The following ATP10B variants were observed in gnomAD, a reference collection of about 807,000 sequenced individuals.
The protein encoded by ATP10B is phospholipid-transporting ATPase VB.
ATP10B carries 122 observed loss-of-function variants against 141.2 expected under a neutral mutation model. The ratio of observed to expected loss-of-function variants is 0.86; its 90% CI spans 0.75 to 1.00. ATP10B has a LOEUF of 1.00. ATP10B is among the 50% of genes least tolerant of loss of function. The probability of loss-of-function intolerance (pLI) is 0.00; values close to 1 mark genes in which losing one functional copy is unlikely to be tolerated. For missense variants in ATP10B, 1,876 were observed against 1,825.3 expected (o/e 1.03, Z -0.51); for synonymous variants, 685 against 692.0 (o/e 0.99, Z 0.16).
intron 23 of ATP10B, 79 bp downstream of exon 23, chr5:160,590,979 CT>C (rs1756248314): frequency 3.3e-6 from 4 of 1,225,628 alleles, no homozygotes; most frequent in Non-Finnish European, 4.8e-6. Context: ...CAGAAGGACA[CT>C]ACTGGTCTGG....
intron 7 of ATP10B, among the ~76,000 whole-genome samples, chr5:160,655,199 A>G (rs1761397131): frequency 6.6e-6 from 1 of 152,252 alleles, no homozygotes; most frequent in Non-Finnish European, 1.5e-5. Context: ...TTTGCATCTT[A>G]AAGTACCTAC....
the ATP10B span, among the ~76,000 whole-genome samples, chr5:160,891,005 G>A: frequency 4.5e-5 from 2 of 44,340 alleles, no homozygotes; most frequent in Non-Finnish European, 7.1e-5. Flanking sequence ...GTGTGTGCGT[G>A]TGTGTGTGTG....
intron 2 of ATP10B, among the ~76,000 whole-genome samples, chr5:160,729,754 G>T (rs1015042367): frequency 5.3e-5 from 8 of 152,178 alleles, no homozygotes; most frequent in Admixed American, 4.6e-4. Flanking sequence ...AAGAGTGTTT[G>T]GGGGAATGGC....
the ATP10B span, among the ~76,000 whole-genome samples, chr5:160,907,463 A>C: frequency 6.6e-6 from 1 of 151,972 alleles, no homozygotes; most frequent in Non-Finnish European, 1.5e-5. Context: ...TTCTGGGCTT[A>C]AGCAATCCTC....
chr5:160,653,695 T>TATTATATATACATATATACATATAC (rs1561705956), intron 7 of ATP10B, among the ~76,000 whole-genome samples: 1 of 124,916 alleles, frequency 8.0e-6, no homozygotes, highest in East Asian at 2.2e-4. Flanking sequence ...TATACATATA[T>TATTATATATACATATATACATATAC]ACATATACAA....
At chr5:160,693,403 A>AATACAC (rs1764185029) in intron 3 of ATP10B, among the ~76,000 whole-genome samples, 3 of 125,684 alleles carry the variant, frequency 2.4e-5, no homozygotes, top group African/African-American at 9.2e-5. Context: ...TGGGTCAGAA[A>AATACAC]ACACACACAC....
intron 3 of ATP10B, among the ~76,000 whole-genome samples, chr5:160,715,576 T>G (rs1376170115): frequency 6.6e-6 from 1 of 151,622 alleles, no homozygotes; most frequent in Non-Finnish European, 1.5e-5. Flanking sequence ...ACCCGTCTTC[T>G]GCGTCGCTCA....
At chr5:160,674,482 G>GTC (rs1423749318) in intron 6 of ATP10B, among the ~76,000 whole-genome samples, 6 of 152,178 alleles carry the variant, frequency 3.9e-5, no homozygotes, top group African/African-American at 1.4e-4. Flanking sequence ...AGTCAGACTA[G>GTC]TCTCTCTCTT....
chr5:160,681,165 G>A (rs1763377837), intron 6 of ATP10B, among the ~76,000 whole-genome samples: 1 of 152,126 alleles, frequency 6.6e-6, no homozygotes, highest in South Asian at 2.1e-4. Flanking sequence ...CCTACTTGTG[G>A]CAAAGAACAT....
chr5:160,829,507 T>C (rs1002047155), intron 1 of ATP10B, among the ~76,000 whole-genome samples: 2 of 152,134 alleles, frequency 1.3e-5, no homozygotes, highest in Non-Finnish European at 2.9e-5. Flanking sequence ...AGAGTGACAT[T>C]GGTAGGTTGA....
At chr5:160,706,940 TTAA>T in intron 3 of ATP10B, among the ~76,000 whole-genome samples, 1 of 152,018 alleles carries the variant, frequency 6.6e-6, no homozygotes, top group East Asian at 1.9e-4. Flanking sequence ...TTGGTTTGTT[TTAA>T]TATTTATTTA....
At chr5:160,899,509 T>A in the ATP10B span, among the ~76,000 whole-genome samples, 1 of 152,100 alleles carries the variant, frequency 6.6e-6, no homozygotes, top group African/African-American at 2.4e-5. Flanking sequence ...AGTTACAAAT[T>A]GTATGTTTTT....
At chr5:160,813,565 T>G (rs184669704) in intron 1 of ATP10B, among the ~76,000 whole-genome samples, 40 of 152,296 alleles carry the variant, frequency 2.6e-4, no homozygotes, top group African/African-American at 8.4e-4. Flanking sequence ...GGGCAGGGCA[T>G]AGCCAAACAA....
At chr5:160,578,414 C>T (rs192732442) in intron 24 of ATP10B, among the ~76,000 whole-genome samples, 1 of 152,300 alleles carries the variant, frequency 6.6e-6, no homozygotes, top group East Asian at 1.9e-4. Flanking sequence ...GTTCAACTCT[C>T]ACTTATGAGT....
Position 160,634,547 on chromosome 5 carries a change from G to C in ATP10B, c.1188C>G (p.Phe396Leu), listed in dbSNP as rs1271689355. The C allele has an allele frequency of 1.2e-6, 2 of 1,614,158 alleles. No homozygotes were observed. Among genetic ancestry groups the C allele is most frequent in the East Asian group, 2.2e-5 (1 of 44,878 alleles). Residue 396 changes from phenylalanine to leucine, a missense_variant, in exon 12 of 26, where the codon TTC (phenylalanine) becomes TTG (leucine). Physicochemically the swap from Phe to Leu is conservative, Grantham distance 22. Transcript: ENST00000327245. ...ACAGGTCAAGGTCATTGCTCAAGAA[G>C]AACACTTGCCCGAGCTTCACCAGCT... ...SIELVKLGQV[F>L]FLSNDLDLYD...
intron 1 of ATP10B, among the ~76,000 whole-genome samples, chr5:160,813,558 C>G (rs1176903725): frequency 6.6e-6 from 1 of 152,190 alleles, no homozygotes; most frequent in Non-Finnish European, 1.5e-5. Flanking sequence ...CTTCTGGGGG[C>G]AGGGCATAGC....
At chr5:160,607,583 A>G (rs1026035598) in intron 18 of ATP10B, among the ~76,000 whole-genome samples, 3 of 152,188 alleles carry the variant, frequency 2.0e-5, no homozygotes, top group African/African-American at 7.2e-5. Context: ...AGTCAGGATC[A>G]TTACTACTTG....
intron 24 of ATP10B, among the ~76,000 whole-genome samples, chr5:160,575,734 A>G (rs1755153611): frequency 6.6e-6 from 1 of 152,206 alleles, no homozygotes; most frequent in Non-Finnish European, 1.5e-5. Context: ...GCCACAGTCA[A>G]TTTGAGATTC....
At chr5:160,928,449 C>T in the ATP10B span, among the ~76,000 whole-genome samples, 105 of 152,234 alleles carry the variant, frequency 6.9e-4, 1 homozygote, top group African/African-American at 2.5e-3. Flanking sequence ...CTCACCAGCC[C>T]TGTACACTTT....
Sources: gnomAD v4.1 joint callset for allele counts (sites outside exome capture counted in the v4.1 genomes callset) on GRCh38, gnomAD v4.1.1 for gene constraint, MANE v1.5 for transcripts, NCBI Gene and HGNC (gene_info 2026-07-23, HGNC 2026-07-21) for gene names.